NCOR2: variants seen among roughly 807,000 people sequenced by gnomAD.
The protein encoded by NCOR2 is nuclear receptor corepressor 2, also known as CTG repeat protein 26.
NCOR2 carries 81 observed loss-of-function variants against 262.9 expected under a neutral mutation model. The ratio of observed to expected loss-of-function variants is 0.31; its 90% CI spans 0.26 to 0.37. The LOEUF (loss-of-function observed/expected upper bound fraction) is 0.37. Among genes scored for constraint, NCOR2 ranks in the 10% least tolerant of loss-of-function variants. NCOR2 has a pLI of 1.00. For missense variants in NCOR2, 3,385 were observed against 3,621.4 expected (o/e 0.93, Z 1.68); for synonymous variants, 1,659 against 1,559.3 (o/e 1.06, Z -1.51).
At chr12:124,495,507 C>T, upstream of NCOR2, 1 of 542,150 alleles carries the variant, frequency 1.8e-6, no homozygotes, top group African/African-American at 1.9e-5. The surrounding 1 kb of genome is among the most constrained non-coding windows in gnomAD (Gnocchi z 4.4). Context: ...CCTCCATCCA[C>T]TGCCACACTC....
chr12:124,420,853 C>T (rs1381854253), intron 12 of NCOR2, among the ~76,000 whole-genome samples: 1 of 152,242 alleles, frequency 6.6e-6, no homozygotes, highest in African/African-American at 2.4e-5. Flanking sequence ...TCTGTGAGGC[C>T]TCTGAGCTGG....
intron 29 of NCOR2, 77 bp from the exon 32 acceptor site, chr12:124,347,988 C>T (rs2037087225): frequency 6.7e-7 from 1 of 1,493,476 alleles, no homozygotes; most frequent in Non-Finnish European, 9.1e-7. Context: ...TCAGTGTTTA[C>T]AGCCGCCAGT....
At chr12:124,439,495 G>A (rs372039271) in intron 7 of NCOR2, among the ~76,000 whole-genome samples, 6,333 of 132,418 alleles carry the variant, frequency 0.048, 315 homozygotes, top group African/African-American at 0.12. Context: ...AGAGAAAGAG[G>A]GAAACAGAGA....
chr12:124,403,487 C>A (rs527864524), intron 13 of NCOR2, among the ~76,000 whole-genome samples: 2 of 152,086 alleles, frequency 1.3e-5, no homozygotes, highest in African/African-American at 2.4e-5. Context: ...CCTGTCATCC[C>A]GCCTGATTTC....
intron 1 of NCOR2, among the ~76,000 whole-genome samples, chr12:124,554,475 C>CCT (rs920437961): frequency 6.6e-6 from 1 of 152,194 alleles, no homozygotes; most frequent in African/African-American, 2.4e-5. Context: ...ACTCAACTCC[C>CCT]CTCTCTCCAA....
intron 8 of NCOR2, 77 bp from the exon 11 acceptor site, chr12:124,430,864 G>T: frequency 1.3e-6 from 2 of 1,517,400 alleles, no homozygotes; most frequent in Non-Finnish European, 1.8e-6. Flanking sequence ...CCACTCACAT[G>T]CAGGCAGACA....
At chr12:124,398,012 A>T in intron 16 of NCOR2, 107 bp downstream of exon 18, 1 of 1,326,950 alleles carries the variant, frequency 7.5e-7, no homozygotes, top group Non-Finnish European at 1.1e-6. Flanking sequence ...AGGCCTCACC[A>T]CAGCCCCTGG....
intron 4 of NCOR2, among the ~76,000 whole-genome samples, chr12:124,469,699 T>C (rs1204496521): frequency 6.6e-6 from 1 of 152,190 alleles, no homozygotes. Context: ...TGTGGGTATA[T>C]GCCTACCTCA....
intron 9 of NCOR2, 85 bp from the exon 12 acceptor site, chr12:124,429,791 C>A: frequency 7.8e-7 from 1 of 1,289,282 alleles, no homozygotes. Flanking sequence ...CCTGAGCCCA[C>A]GCCCTCCCCA....
At chr12:124,394,318 G>A (rs956622783) in intron 16 of NCOR2, among the ~76,000 whole-genome samples, 2 of 152,238 alleles carry the variant, frequency 1.3e-5, no homozygotes, top group Non-Finnish European at 2.9e-5. Context: ...CCAAGGTCAG[G>A]GGGCTAAGGA....
intron 12 of NCOR2, 140 bp from the exon 15 acceptor site, chr12:124,420,195 G>A (rs1407493799): frequency 8.0e-6 from 5 of 621,670 alleles, no homozygotes; most frequent in African/African-American, 1.8e-5. Flanking sequence ...CCTAACCTCT[G>A]TGTCTCAGTT....
At chr12:124,453,077 G>A (rs1003086722) in intron 6 of NCOR2, among the ~76,000 whole-genome samples, 5 of 152,178 alleles carry the variant, frequency 3.3e-5, no homozygotes, top group Admixed American at 6.5e-5. Context: ...GGAGTGGGGG[G>A]AGGGAGGGAC....
intron 1 of NCOR2, chr12:124,513,543 G>C (rs576507824): frequency 1.3e-5 from 2 of 152,346 alleles, no homozygotes; most frequent in East Asian, 1.9e-4. Context: ...CTTGAGCAAA[G>C]AAGCAACTGC....
intron 22 of NCOR2, among the ~76,000 whole-genome samples, chr12:124,359,661 T>C (rs981152394): frequency 6.6e-6 from 1 of 152,190 alleles, no homozygotes; most frequent in Admixed American, 6.5e-5. Context: ...TCCAGCCCAG[T>C]TCCAGAGAGT....
intron 38 of NCOR2, chr12:124,335,932 G>A: frequency 4.9e-6 from 2 of 406,626 alleles, no homozygotes; most frequent in Non-Finnish European, 4.5e-6. Flanking sequence ...GGCCGGGCGA[G>A]GCCAGCGTGA....
intron 18 of NCOR2, among the ~76,000 whole-genome samples, chr12:124,377,538 G>A (rs1483910139): frequency 6.6e-6 from 1 of 152,068 alleles, no homozygotes; most frequent in Non-Finnish European, 1.5e-5. Context: ...AAAGAGTTCT[G>A]GTCAAAAAAC....
chr12:124,491,124 A>G (rs2048060529), intron 1 of NCOR2, among the ~76,000 whole-genome samples: 1 of 152,120 alleles, frequency 6.6e-6, no homozygotes, highest in African/African-American at 2.4e-5. Context: ...CGGGCCGCGA[A>G]GGGCGGTTGC....
chr12:124,449,915 C>T (rs773693256), intron 6 of NCOR2, 48 bp from the exon 9 acceptor site: 3 of 1,595,666 alleles, frequency 1.9e-6, no homozygotes, highest in South Asian at 2.2e-5. Flanking sequence ...TGGCCACTCG[C>T]CACTACAGAG....
chr12:124,497,217 A>G (rs1442023284), upstream of NCOR2, among the ~76,000 whole-genome samples: 1 of 152,236 alleles, frequency 6.6e-6, no homozygotes, highest in Non-Finnish European at 1.5e-5. This position sits in a 1 kb window ranked among gnomAD's most constrained non-coding sequence, Gnocchi z 4.2. Context: ...CCATCCTTCA[A>G]ACACAGAAAA....
Sources: gnomAD v4.1 joint callset for allele counts (sites outside exome capture counted in the v4.1 genomes callset) on GRCh38, gnomAD v4.1.1 for gene constraint, Gnocchi (gnomAD v3.1) non-coding constraint, MANE v1.5 for transcripts, NCBI Gene and HGNC (gene_info 2026-07-23, HGNC 2026-07-21) for gene names.